Variants in CHRM3 observed in about 807,000 individuals in gnomAD.
CHRM3 encodes muscarinic acetylcholine receptor M3.
In CHRM3, 11 loss-of-function variants were observed where a neutral mutation model predicts 41.8. That is an observed-to-expected ratio of 0.26 (90% CI 0.17 to 0.44). The LOEUF (loss-of-function observed/expected upper bound fraction) is 0.44, where lower values mean the gene tolerates loss of function less well. Ranked by LOEUF, CHRM3 falls within the 20% of genes least tolerant of loss-of-function variation. The pLI is 1.00. For synonymous variants in CHRM3, 297 were observed against 301.4 expected, an observed-to-expected ratio of 0.99 and a Z score of 0.15; for missense variants, 571 against 745.4, an observed-to-expected ratio of 0.77 and a Z score of 2.72.
At chr1:239,720,799 G>A (rs934881490) in intron 5 of CHRM3, among the ~76,000 whole-genome samples, 1 of 151,816 alleles carries the variant, frequency 6.6e-6, no homozygotes, top group Non-Finnish European at 1.5e-5. Context: ...TAATCAAAGT[G>A]GTCATCTCCT....
intron 6 of CHRM3, among the ~76,000 whole-genome samples, chr1:239,863,347 C>A (rs1215386243): frequency 3.9e-5 from 6 of 152,156 alleles, no homozygotes; most frequent in Admixed American, 2.0e-4. Context: ...GTGACGCAGC[C>A]GTCACCTTAG....
At chr1:239,668,799 A>G (rs575265559) in intron 4 of CHRM3, among the ~76,000 whole-genome samples, 106 of 152,234 alleles carry the variant, frequency 7.0e-4, no homozygotes, top group Non-Finnish European at 1.3e-3. Flanking sequence ...GGTGATTAGG[A>G]TGTGTTTTCT....
chr1:239,837,130 A>G (rs947977854), intron 6 of CHRM3, among the ~76,000 whole-genome samples: 6 of 152,214 alleles, frequency 3.9e-5, no homozygotes, highest in Admixed American at 1.3e-4. Context: ...TCCATGGATC[A>G]GTCACAGGCT....
chr1:239,832,590 A>T (rs2149105428), intron 6 of CHRM3, among the ~76,000 whole-genome samples: 1 of 152,140 alleles, frequency 6.6e-6, no homozygotes, highest in East Asian at 1.9e-4. Context: ...CCGCAGTGCA[A>T]AGCAAAAGTA....
At chr1:239,688,834 TA>T (rs986654402) in intron 5 of CHRM3, among the ~76,000 whole-genome samples, 2 of 141,064 alleles carry the variant, frequency 1.4e-5, no homozygotes, top group African/African-American at 5.2e-5. Context: ...ATATATTATA[TA>T]ATATATATAT....
chr1:239,400,988 T>C (rs1157329882), intron 1 of CHRM3, among the ~76,000 whole-genome samples: 1 of 152,202 alleles, frequency 6.6e-6, no homozygotes, highest in Non-Finnish European at 1.5e-5. Context: ...TTGCCTTTTA[T>C]ATAAAATGCG....
intron 3 of CHRM3, among the ~76,000 whole-genome samples, chr1:239,607,545 G>T (rs575519230): frequency 6.6e-6 from 1 of 151,910 alleles, no homozygotes; most frequent in South Asian, 2.1e-4. Flanking sequence ...TGGAATGTTT[G>T]CAAGTTAAAA....
chr1:239,396,698 A>C (rs1012986148), intron 1 of CHRM3, among the ~76,000 whole-genome samples: 1 of 152,248 alleles, frequency 6.6e-6, no homozygotes, highest in Non-Finnish European at 1.5e-5. Flanking sequence ...TTATGGAAAT[A>C]TATATCAAAA....
In CHRM3 at chr1:239,913,772, G is replaced by A. The variant is rs569475296; in HGVS notation, c.*4548G>A. The A allele has an allele frequency of 2.5e-4, 41 of 167,210 alleles. No homozygotes were observed. The highest frequency in any genetic ancestry group is 8.9e-4 in the African/African-American group (37 of 41,572). 10.4% of individuals were successfully genotyped at this position (167,210 alleles called of 1,614,324 possible). A position where few individuals can be genotyped will look rare whatever the true frequency, so the allele number is the denominator to read the frequency against. ...GTTTGTAACTGCACAGTGTTTTGTT[G>A]TACGGCTCAGAAATGAGCAAGTGTT... On this transcript the variant is annotated 3_prime_UTR_variant, in exon 7 of 7. Coordinates refer to ENST00000676153, the MANE Select transcript of CHRM3 (RefSeq NM_001375978.1).
rs553291377 is a variant in CHRM3, at chr1:239,520,020, C to G, written c.-421-25621C>G. Among the ~76,000 whole-genome samples the G allele has an allele frequency of 2.6e-5, 4 of 152,160 alleles. No individual in the cohort carries two copies. The South Asian group carries it at 8.3e-4, about 32-fold the overall frequency. ...CCTCGGCCTCCCAAAGCGTAAACAA[C>G]TAGTTCTTACTCTTTCACTTTTCTG... On this transcript the variant is annotated intron_variant, in intron 2 of 6. Coordinates refer to ENST00000676153, the MANE Select transcript of CHRM3 (RefSeq NM_001375978.1).
In CHRM3 at chr1:239,904,825, A is replaced by G. The variant is rs138947094; in HGVS notation, c.-19-2608A>G. ...ATTCCTCTCTGTAATTGAGTTTTAT[A>G]TTAGAATATTTAGACTATTTCAAAT... On this transcript the variant is annotated intron_variant, in intron 6 of 6. Coordinates refer to ENST00000676153, the MANE Select transcript of CHRM3 (RefSeq NM_001375978.1). 2.3e-3 allele frequency among the ~76,000 whole-genome samples: 358 copies of G among 152,350 alleles called. 2 individuals are homozygous for G. The highest frequency in any genetic ancestry group is 8.1e-3 in the African/African-American group (336 of 41,580).
At chr1:239,799,495 C>T (rs568633265) in intron 5 of CHRM3, among the ~76,000 whole-genome samples, 1 of 152,220 alleles carries the variant, frequency 6.6e-6, no homozygotes, top group African/African-American at 2.4e-5. Flanking sequence ...GGAATCCCTC[C>T]ACCTACCCTC....
Position 239,658,504 on chromosome 1 carries a change from T to A in CHRM3, c.-249-19682T>A, listed in dbSNP as rs550558322. Among the ~76,000 whole-genome samples, 195 of 152,322 alleles carry A rather than the reference T, an allele frequency of 1.3e-3. 1 individual carries two copies. Among genetic ancestry groups the A allele is most frequent in the African/African-American group, 4.3e-3 (179 of 41,578 alleles). On this transcript the variant is annotated intron_variant, in intron 4 of 6. Coordinates refer to ENST00000676153, the MANE Select transcript of CHRM3 (RefSeq NM_001375978.1). Reference sequence around the variant, plus strand: ...ACATTTTTCAATTGCATGCTGTAACTTAGCAGTTGGTTATATTGTTCTCAT... The same window carrying A: ...ACATTTTTCAATTGCATGCTGTAACATAGCAGTTGGTTATATTGTTCTCAT...
At chr1:239,671,833 T>C (rs1000807774) in intron 4 of CHRM3, among the ~76,000 whole-genome samples, 1 of 152,142 alleles carries the variant, frequency 6.6e-6, no homozygotes, top group Admixed American at 6.5e-5. Flanking sequence ...AGTCAGAATG[T>C]ATGGAAGAGA....
intron 2 of CHRM3, among the ~76,000 whole-genome samples, chr1:239,533,723 C>T (rs1432926064): frequency 1.8e-5 from 2 of 110,254 alleles, no homozygotes; most frequent in African/African-American, 6.9e-5. Context: ...AAGAGCCAAA[C>T]TCTGTCTCAA....
At chr1:239,846,036 A>G (rs1404616462) in intron 6 of CHRM3, among the ~76,000 whole-genome samples, 2 of 152,196 alleles carry the variant, frequency 1.3e-5, no homozygotes, top group Non-Finnish European at 2.9e-5. Context: ...GAAGAAGAAA[A>G]TGTATCTCCA....
chr1:239,480,732 ACT>A (rs1208096233), intron 1 of CHRM3, among the ~76,000 whole-genome samples: 1 of 151,178 alleles, frequency 6.6e-6, no homozygotes, highest in Non-Finnish European at 1.5e-5. Flanking sequence ...AATTTTTTGT[ACT>A]TTTTTAGTAG....
chr1:239,867,112 C>T (rs543058136), intron 6 of CHRM3, among the ~76,000 whole-genome samples: 9 of 152,276 alleles, frequency 5.9e-5, no homozygotes, highest in Admixed American at 1.3e-4. Flanking sequence ...TTCTTTAGGC[C>T]AGAGCTCAAA....
chr1:239,904,348 A>C (rs1267776847), intron 6 of CHRM3, among the ~76,000 whole-genome samples: 1 of 152,212 alleles, frequency 6.6e-6, no homozygotes, highest in Non-Finnish European at 1.5e-5. Context: ...AGAGCATTTA[A>C]GAGGCACCCC....
Sources: allele counts gnomAD v4.1 joint callset (sites outside exome capture counted in the v4.1 genomes callset), GRCh38; gene constraint gnomAD v4.1.1; transcripts MANE v1.5; gene names NCBI Gene and HGNC (gene_info 2026-07-23, HGNC 2026-07-21).